The following SHANK2 variants were observed in gnomAD, a reference collection of about 807,000 sequenced individuals.
SHANK2 encodes SH3 and multiple ankyrin repeat domains 2.
In SHANK2, 43 loss-of-function variants were observed where a neutral mutation model predicts 133.7. The observed-to-expected ratio is 0.32, with a 90% confidence interval of 0.25 to 0.41. SHANK2 has a LOEUF of 0.41. Among genes scored for constraint, SHANK2 ranks in the 10% least tolerant of loss-of-function variants. The probability of loss-of-function intolerance (pLI) is 1.00; values close to 1 mark genes in which losing one functional copy is unlikely to be tolerated. For synonymous variants in SHANK2, 1,017 were observed against 952.8 expected (o/e 1.07, Z -1.24); for missense variants, 1,994 against 2,235.8 (o/e 0.89, Z 2.18).
At chr11:70,850,202 C>T (rs1949064340) in intron 11 of SHANK2, among the ~76,000 whole-genome samples, 1 of 152,158 alleles carries the variant, frequency 6.6e-6, no homozygotes, top group Non-Finnish European at 1.5e-5. Flanking sequence ...TCAATCTTCA[C>T]AACAGTGTCA....
chr11:70,528,399 A>C (rs1554972548), intron 17 of SHANK2, among the ~76,000 whole-genome samples: 1 of 152,116 alleles, frequency 6.6e-6, no homozygotes, highest in Admixed American at 6.5e-5. Context: ...CCTGGTGGCC[A>C]TGGGACCCTG....
rs1335980555 is a variant in SHANK2 at position 70,607,655 on chromosome 11, C to T, written c.2061+52173G>A. Among the ~76,000 whole-genome samples the T allele has an allele frequency of 2.6e-5, 4 of 152,238 alleles. No individual in the cohort carries two copies. In the East Asian group the frequency reaches 7.7e-4, roughly 29 times the overall value. ...GAAGGCATGGCCTCCCTGTATACCC[C>T]TGGCTTGTCCAAGGAGAACAAGGGC... On this transcript the variant is annotated intron_variant, in intron 17 of 25. Transcript: ENST00000601538.
intron 9 of SHANK2, among the ~76,000 whole-genome samples, chr11:71,073,156 C>CTTTTCTTTTTT (rs1951169430): frequency 2.5e-5 from 1 of 40,780 alleles, no homozygotes; most frequent in Non-Finnish European, 5.5e-5. Context: ...TCTTTTTTTT[C>CTTTTCTTTTTT]TTTTTTTTCT....
chr11:71,142,133 T>C (rs1952567136), intron 3 of SHANK2, among the ~76,000 whole-genome samples: 1 of 152,024 alleles, frequency 6.6e-6, no homozygotes. Flanking sequence ...CAAAGGAGCA[T>C]GACTACAGTA....
intron 10 of SHANK2, among the ~76,000 whole-genome samples, chr11:70,919,384 T>C (rs1339729456): frequency 6.6e-6 from 1 of 151,922 alleles, no homozygotes; most frequent in Non-Finnish European, 1.5e-5. Context: ...TTTTTTTTTT[T>C]TAACTCTTTT....
intron 17 of SHANK2, among the ~76,000 whole-genome samples, chr11:70,621,260 A>T (rs2060825509): frequency 6.6e-6 from 1 of 152,210 alleles, no homozygotes; most frequent in Non-Finnish European, 1.5e-5. Flanking sequence ...TAAGTGTCAT[A>T]AGACATCAGC....
rs191347863 is a variant in SHANK2 at position 71,126,940 on chromosome 11, C to T, written c.208-7908G>A. Among the ~76,000 whole-genome samples, 805 of 152,200 alleles carry T rather than the reference C, an allele frequency of 5.3e-3. 4 individuals carry two copies. The highest frequency in any genetic ancestry group is 0.019 in the African/African-American group (770 of 41,514). ...CAGGATGATCTCGATCTCCTAACCT[C>T]GTGATCTGCCCACCTCGGCCTCCCA... On this transcript the variant is annotated intron_variant, in intron 3 of 25. Transcript: ENST00000601538.
intron 10 of SHANK2, chr11:70,948,406 A>G (rs1565423472): frequency 2.2e-6 from 1 of 456,812 alleles, no homozygotes; most frequent in Non-Finnish European, 4.4e-6. Flanking sequence ...TACTGGTGGA[A>G]ATAATGAATT....
chr11:71,203,147 C>T (rs370400430), intron 2 of SHANK2, among the ~76,000 whole-genome samples: 11 of 152,118 alleles, frequency 7.2e-5, no homozygotes, highest in African/African-American at 2.2e-4. Flanking sequence ...GTCACACCAG[C>T]GTAATGACCA....
At chr11:70,610,308 C>G (rs1412611319) in intron 17 of SHANK2, among the ~76,000 whole-genome samples, 1 of 152,014 alleles carries the variant, frequency 6.6e-6, no homozygotes, top group South Asian at 2.1e-4. Flanking sequence ...CCTCTTAATA[C>G]GAGGCGTGCA....
chr11:70,884,341 T>C (rs688118), intron 11 of SHANK2, among the ~76,000 whole-genome samples: 139,297 of 152,304 alleles, frequency 0.91, 64,420 homozygotes, highest in Non-Finnish European at 0.98. Flanking sequence ...AAATGCAAAA[T>C]CTGTTTATCT....
chr11:70,701,526 G>A (rs1463007726), intron 14 of SHANK2, among the ~76,000 whole-genome samples: 6 of 151,972 alleles, frequency 3.9e-5, no homozygotes, highest in African/African-American at 7.3e-5. Flanking sequence ...TCAGCCTCCC[G>A]AGTAGCTAGG....
At chr11:70,690,024 T>C (rs1365592129) in intron 15 of SHANK2, among the ~76,000 whole-genome samples, 1 of 152,166 alleles carries the variant, frequency 6.6e-6, no homozygotes, top group African/African-American at 2.4e-5. Flanking sequence ...TCCAGATACC[T>C]TTTGTTGAAG....
intron 11 of SHANK2, among the ~76,000 whole-genome samples, chr11:70,885,744 C>A (rs1200515995): frequency 6.6e-6 from 1 of 152,178 alleles, no homozygotes; most frequent in Non-Finnish European, 1.5e-5. Context: ...GCATTCGGGG[C>A]AGGCCACACA....
chr11:71,206,436 T>C lies in SHANK2; in HGVS notation c.-13+18261A>G, dbSNP rs920098544. Among the ~76,000 whole-genome samples the C allele has an allele frequency of 1.1e-4, 16 of 151,716 alleles. No homozygotes were observed. The East Asian group carries it at 2.9e-3, about 28-fold the overall frequency. On this transcript the variant is annotated intron_variant, in intron 2 of 25. Transcript: ENST00000601538. ...GCGGATCTGCAACTGCCACTCAGAG[T>C]GTCAGGAAGCACAGGAGCGTAAATA...
chr11:70,828,490 C>T (rs1555057659), intron 11 of SHANK2, among the ~76,000 whole-genome samples: 1 of 152,244 alleles, frequency 6.6e-6, no homozygotes, highest in Non-Finnish European at 1.5e-5. Flanking sequence ...GTGTGTCCCA[C>T]AGAGTTCATG....
intron 15 of SHANK2, chr11:70,661,977 C>A: frequency 1.5e-6 from 1 of 653,356 alleles, no homozygotes; most frequent in Non-Finnish European, 2.7e-6. Context: ...GATGGCTGAG[C>A]TGGAGGCTCA....
At chr11:71,249,148 C>CA (rs146461571) in intron 1 of SHANK2, among the ~76,000 whole-genome samples, 1,928 of 152,296 alleles carry the variant, frequency 0.013, 40 homozygotes, top group African/African-American at 0.044. Flanking sequence ...CCAAGCCCTG[C>CA]ACTCAATATG....
intron 17 of SHANK2, among the ~76,000 whole-genome samples, chr11:70,646,618 C>A (rs1052488380): frequency 8.5e-5 from 13 of 152,322 alleles, no homozygotes; most frequent in African/African-American, 3.1e-4. Flanking sequence ...TCACCAACCA[C>A]TAGGCTCCAG....
Sources: allele counts gnomAD v4.1 joint callset (sites outside exome capture counted in the v4.1 genomes callset), GRCh38; gene constraint gnomAD v4.1.1; transcripts MANE v1.5; gene names NCBI Gene and HGNC (gene_info 2026-07-23, HGNC 2026-07-21).